Variants in GLIS3 observed in about 807,000 individuals in gnomAD.
GLIS3 encodes GLIS family zinc finger 3, also known as zinc finger protein GLIS3.
Under a neutral mutation model 78.6 loss-of-function variants are expected in GLIS3, and 53 were observed. The ratio of observed to expected loss-of-function variants is 0.67; its 90% CI spans 0.54 to 0.85. GLIS3 has a LOEUF of 0.85. Among genes scored for constraint, GLIS3 ranks in the 40% least tolerant of loss-of-function variants. The pLI is 0.00. For synonymous variants in GLIS3, 684 were observed against 509.9 expected (o/e 1.34, Z -4.60); for missense variants, 1,703 against 1,231.1 (o/e 1.38, Z -5.74).
At chr9:4,065,371 T>G (rs1441766448) in intron 4 of GLIS3, among the ~76,000 whole-genome samples, 1 of 152,238 alleles carries the variant, frequency 6.6e-6, no homozygotes, top group Non-Finnish European at 1.5e-5. Context: ...ATTTGTTTTA[T>G]TTTAACACAC....
chr9:4,147,988 T>C (rs1834361361), intron 2 of GLIS3, among the ~76,000 whole-genome samples: 1 of 152,220 alleles, frequency 6.6e-6, no homozygotes, highest in African/African-American at 2.4e-5. Flanking sequence ...ATGTATTATG[T>C]TGAAAATAAG....
chr9:3,954,431 T>C (rs575209551), intron 4 of GLIS3, among the ~76,000 whole-genome samples: 26 of 152,354 alleles, frequency 1.7e-4, no homozygotes, highest in African/African-American at 6.0e-4. Flanking sequence ...TAGCACAAAG[T>C]GCAGTAACAG....
intron 4 of GLIS3, among the ~76,000 whole-genome samples, chr9:4,065,454 T>C (rs938849017): frequency 1.5e-4 from 23 of 152,244 alleles, no homozygotes; most frequent in African/African-American, 5.1e-4. Context: ...ACAGCCAAAG[T>C]GAGAAATTTT....
chr9:4,306,267 G>A (rs1563926770), intron 4 of GLIS3, among the ~76,000 whole-genome samples: 4 of 151,440 alleles, frequency 2.6e-5, no homozygotes, highest in African/African-American at 9.7e-5. Context: ...AGGCAGGGGG[G>A]TCTCGCTATG....
chr9:4,211,305 T>G (rs1820351009), intron 2 of GLIS3, among the ~76,000 whole-genome samples: 1 of 152,208 alleles, frequency 6.6e-6, no homozygotes, highest in South Asian at 2.1e-4. Context: ...ACAATATAAT[T>G]CTCACTGGAT....
intron 4 of GLIS3, among the ~76,000 whole-genome samples, chr9:3,986,451 CTG>C (rs1260002355): frequency 2.6e-5 from 4 of 152,224 alleles, no homozygotes; most frequent in Non-Finnish European, 5.9e-5. Flanking sequence ...TTTATGAAAA[CTG>C]TGTACAATTA....
At chr9:4,375,823 G>A in the GLIS3 span, among the ~76,000 whole-genome samples, 1 of 152,106 alleles carries the variant, frequency 6.6e-6, no homozygotes, top group Non-Finnish European at 1.5e-5. Context: ...ACATGGTTGT[G>A]TGAGTCTTTA....
At chr9:4,108,131 A>C (rs1207404644) in intron 4 of GLIS3, among the ~76,000 whole-genome samples, 3 of 152,192 alleles carry the variant, frequency 2.0e-5, no homozygotes, top group African/African-American at 7.2e-5. Flanking sequence ...GTGAGAATTA[A>C]AGTAATATAG....
At chr9:4,043,266 A>C (rs1824976632) in intron 4 of GLIS3, among the ~76,000 whole-genome samples, 1 of 151,554 alleles carries the variant, frequency 6.6e-6, no homozygotes. Flanking sequence ...TGTCAGAATT[A>C]ATTTTTTTTT....
the GLIS3 span, among the ~76,000 whole-genome samples, chr9:4,355,926 G>C: frequency 6.6e-6 from 1 of 152,256 alleles, no homozygotes; most frequent in Non-Finnish European, 1.5e-5. Context: ...GCATGCGTTT[G>C]GTATGGTTAC....
intron 2 of GLIS3, among the ~76,000 whole-genome samples, chr9:4,256,993 C>T (rs1003743783): frequency 5.3e-5 from 8 of 152,062 alleles, no homozygotes; most frequent in South Asian, 2.1e-4. Flanking sequence ...GGTATACATA[C>T]ATATTAACAC....
chr9:4,387,642 A>T, the GLIS3 span, among the ~76,000 whole-genome samples: 1 of 152,184 alleles, frequency 6.6e-6, no homozygotes, highest in Non-Finnish European at 1.5e-5. Flanking sequence ...AAATCTCCTA[A>T]AATTAAATAG....
At position 4,286,347 on chromosome 9, in the gene GLIS3, G is replaced by C. The variant is rs1164183776; in HGVS notation, c.79C>G (p.His27Asp). Residue 27 changes from histidine (H) to aspartate (D), a missense_variant, in exon 2 of 11, where the codon CAC (histidine) becomes GAC (aspartate). Coordinates refer to ENST00000381971, the MANE Select transcript of GLIS3 (RefSeq NM_001042413.2). Reference protein sequence around the residue: ...PQGPRMVSGHHIPAIRAHSGT... With the variant: ...PQGPRMVSGHDIPAIRAHSGT... ...GAGTGGGCTCGGATGGCAGGAATGTGATGACCACTGACCATCCTAGGCCCC... is the reference window on the plus strand; with the variant it reads ...GAGTGGGCTCGGATGGCAGGAATGTCATGACCACTGACCATCCTAGGCCCC... 3.1e-6 allele frequency: 5 copies of C among 1,614,110 alleles called. No homozygotes were observed. Among genetic ancestry groups the C allele is most frequent in the Non-Finnish European group, 4.2e-6 (5 of 1,180,034 alleles).
the GLIS3 span, among the ~76,000 whole-genome samples, chr9:4,410,015 G>C: frequency 6.6e-6 from 1 of 152,186 alleles, no homozygotes; most frequent in South Asian, 2.1e-4. Context: ...CTGTCACCCA[G>C]GCTGGAGTGC....
At chr9:3,869,267 GT>G (rs1199889936) in intron 8 of GLIS3, among the ~76,000 whole-genome samples, 58 of 368 alleles carry the variant, frequency 0.16, no homozygotes, top group East Asian at 0.48. Flanking sequence ...ATTATCTAGG[GT>G]GTGTGTGTGT....
At chr9:3,997,078 T>G (rs528272754) in intron 4 of GLIS3, among the ~76,000 whole-genome samples, 3 of 152,316 alleles carry the variant, frequency 2.0e-5, no homozygotes, top group Admixed American at 2.0e-4. Context: ...CCGGGCGCGG[T>G]GGCTCACGCC....
intron 3 of GLIS3, among the ~76,000 whole-genome samples, chr9:4,121,254 G>A (rs1832156362): frequency 6.6e-6 from 1 of 152,182 alleles, no homozygotes; most frequent in Admixed American, 6.5e-5. Flanking sequence ...CTAGCTCCCA[G>A]TGGAAGTTCT....
chr9:4,015,824 G>C (rs1822385194), intron 4 of GLIS3, among the ~76,000 whole-genome samples: 1 of 150,500 alleles, frequency 6.6e-6, no homozygotes, highest in Non-Finnish European at 1.5e-5. Flanking sequence ...AGAAGGCGGA[G>C]GTTGCAGTGA....
At chr9:4,189,971 T>C (rs533129583) in intron 2 of GLIS3, among the ~76,000 whole-genome samples, 1 of 151,144 alleles carries the variant, frequency 6.6e-6, no homozygotes, top group Admixed American at 6.6e-5. Context: ...CAGCTGAGGG[T>C]CCTGTCTGTT....
Sources: allele counts gnomAD v4.1 joint callset (sites outside exome capture counted in the v4.1 genomes callset), GRCh38; gene constraint gnomAD v4.1.1; transcripts MANE v1.5; gene names NCBI Gene and HGNC (gene_info 2026-07-23, HGNC 2026-07-21).